FAM216A: variants seen among roughly 807,000 people sequenced by gnomAD.
The protein encoded by FAM216A is family with sequence similarity 216 member A.
Under a neutral mutation model 37.6 loss-of-function variants are expected in FAM216A, and 26 were observed. The observed-to-expected ratio is 0.69, with a 90% CI of 0.51 to 0.96. The LOEUF is 0.96. Among genes scored for constraint, FAM216A ranks in the 40% least tolerant of loss-of-function variants. The pLI, the probability that FAM216A is intolerant of heterozygous loss-of-function variation, is 0.00. For missense variants in FAM216A, 326 were observed against 339.3 expected (o/e 0.96, Z 0.31); for synonymous variants, 110 against 121.7 (o/e 0.90, Z 0.64).
chr12:110,469,514 C>A (rs1433093738), intron 1 of FAM216A, among the ~76,000 whole-genome samples: 1 of 151,278 alleles, frequency 6.6e-6, no homozygotes, highest in Non-Finnish European at 1.5e-5. Flanking sequence ...TCTTTTCTTT[C>A]TTGTTTTTTG....
At chr12:110,469,112 C>T (rs2062661955) in intron 1 of FAM216A, 94 bp downstream of exon 1, 2 of 1,297,180 alleles carry the variant, frequency 1.5e-6, no homozygotes, top group Admixed American at 7.5e-5. Flanking sequence ...GGGCTGCGGC[C>T]GACCTCTCGT....
rs73417402 is a variant in FAM216A, at chr12:110,473,031, A to G, written c.144-47A>G. On this transcript the variant is annotated intron_variant, in intron 1 of 6. Coordinates refer to ENST00000377673, the MANE Select transcript of FAM216A (RefSeq NM_013300.3). ...TGAAATATGTTGTTCAGTGCTTGTA[A>G]CATTGTAATTATTACATATTATTTA... The G allele has an allele frequency of 4.0e-4, 366 of 907,874 alleles. 1 individual carries two copies. The African/African-American group carries it at 5.3e-3, about 13-fold the overall frequency. The allele number at this position is 907,874 out of a possible 1,614,324, so 56.2% of individuals were successfully genotyped here.
upstream of FAM216A, chr12:110,468,753 C>T (rs1317850994): frequency 2.0e-6 from 3 of 1,481,518 alleles, no homozygotes; most frequent in Admixed American, 2.2e-5. Context: ...CGGATCTGCC[C>T]GCCCCGCTCT....
intron 6 of FAM216A, among the ~76,000 whole-genome samples, chr12:110,489,649 C>T (rs775606567): frequency 1.3e-5 from 2 of 151,254 alleles, no homozygotes; most frequent in Admixed American, 6.6e-5. Context: ...GTACAGTTAG[C>T]GGAAACTGTA....
At chr12:110,471,418 G>A (rs1327260147) in intron 1 of FAM216A, among the ~76,000 whole-genome samples, 1 of 152,116 alleles carries the variant, frequency 6.6e-6, no homozygotes, top group African/African-American at 2.4e-5. Flanking sequence ...GTTTATTGAG[G>A]CATAATTTAC....
rs999397819 is a variant in FAM216A at position 110,468,847 on chromosome 12, C to T, written c.-29C>T. ...AGCCGCCTCTCCGGAATACCAGCAG[C>T]CTGACGCACGCGTGCTGTCGGGGGA... On this transcript the variant is annotated 5_prime_UTR_variant, in exon 1 of 7. Transcript: ENST00000377673. 15 of 1,481,098 alleles carry T rather than the reference C, an allele frequency of 1.0e-5. No individual in the cohort carries two copies. The highest frequency in any genetic ancestry group is 1.3e-5 in the Non-Finnish European group (15 of 1,114,552). The allele number at this position is 1,481,098 out of a possible 1,614,324, so 91.7% of individuals were successfully genotyped here.
chr12:110,474,237 A>G (rs1308086687), intron 2 of FAM216A, among the ~76,000 whole-genome samples: 1 of 152,148 alleles, frequency 6.6e-6, no homozygotes, highest in Non-Finnish European at 1.5e-5. Context: ...ACACAAAACA[A>G]TATAATTATT....
intron 2 of FAM216A, among the ~76,000 whole-genome samples, chr12:110,482,304 C>T (rs981552200): frequency 9.9e-5 from 15 of 151,944 alleles, no homozygotes; most frequent in Admixed American, 5.2e-4. Flanking sequence ...GGCTGGTCTC[C>T]TGACCTCAAG....
intron 2 of FAM216A, among the ~76,000 whole-genome samples, chr12:110,480,623 A>C (rs553780779): frequency 4.4e-4 from 67 of 152,050 alleles, no homozygotes; most frequent in Non-Finnish European, 7.2e-4. Flanking sequence ...GGCCCATTTT[A>C]ATCATTTTTA....
chr12:110,473,157 A>T, intron 2 of FAM216A, 39 bp downstream of exon 2: 1 of 1,220,850 alleles, frequency 8.2e-7, no homozygotes, highest in South Asian at 1.4e-5. Flanking sequence ...CTTATAAGTA[A>T]CATGGTTCTG....
At chr12:110,470,355 C>T (rs1438765200) in intron 1 of FAM216A, among the ~76,000 whole-genome samples, 1 of 152,016 alleles carries the variant, frequency 6.6e-6, no homozygotes, top group Non-Finnish European at 1.5e-5. Context: ...GCATGGCCGT[C>T]CTTTTTGTCT....
chr12:110,471,215 A>G lies in FAM216A; in HGVS notation c.144-1863A>G, dbSNP rs530046908. ...GTTCAAGCGATTCTCCTGCCTCCTG[A>G]GTAGCTGGGACTACAGGCACGTGCC... is the stretch of plus-strand genomic sequence containing the variant. On this transcript the variant is annotated intron_variant, in intron 1 of 6. Transcript: ENST00000377673. Among the ~76,000 whole-genome samples the G allele has an allele frequency of 1.5e-3, 234 of 152,012 alleles. 1 individual carries two copies. Among genetic ancestry groups the G allele is most frequent in the Non-Finnish European group, 2.8e-3 (190 of 67,972 alleles).
At chr12:110,479,671 T>A (rs1215702995) in intron 2 of FAM216A, among the ~76,000 whole-genome samples, 1 of 151,868 alleles carries the variant, frequency 6.6e-6, no homozygotes, top group Non-Finnish European at 1.5e-5. Flanking sequence ...ACCCCGTCTC[T>A]ACTAAAAATA....
chr12:110,476,817 G>A (rs1262676650), intron 2 of FAM216A, among the ~76,000 whole-genome samples: 4 of 152,034 alleles, frequency 2.6e-5, no homozygotes, highest in Non-Finnish European at 5.9e-5. Context: ...GTGAGCCACC[G>A]CGCCCGGCCG....
rs774095714 is a variant in FAM216A, at chr12:110,490,139, A to T, written c.*2A>T. 2.1e-6 allele frequency: 3 copies of T among 1,418,228 alleles called. No homozygotes were observed. Among genetic ancestry groups the T allele is most frequent in the Non-Finnish European group, 3.0e-6 (3 of 1,001,256 alleles). The allele number at this position is 1,418,228 out of a possible 1,614,324, so 87.9% of individuals were successfully genotyped here. On this transcript the variant is annotated 3_prime_UTR_variant, in exon 7 of 7. Coordinates refer to ENST00000377673, the MANE Select transcript of FAM216A (RefSeq NM_013300.3). ...GGAGAACATCTGATGTTAACTTGAC[A>T]GTCTTGTCTCGTGTATTGAATTCGT...
chr12:110,486,101 C>T (rs961130296), intron 3 of FAM216A, among the ~76,000 whole-genome samples: 14 of 152,148 alleles, frequency 9.2e-5, no homozygotes, highest in African/African-American at 2.9e-4. Context: ...ATGGGTTCTC[C>T]GACTTCAAAG....
intron 2 of FAM216A, among the ~76,000 whole-genome samples, chr12:110,480,323 C>T (rs1429633724): frequency 6.6e-6 from 1 of 151,270 alleles, no homozygotes; most frequent in African/African-American, 2.4e-5. Context: ...CCTGCCTCAG[C>T]CTCCTGAGTA....
chr12:110,485,067 T>C lies in FAM216A; in HGVS notation c.185-11T>C. The C allele has an allele frequency of 6.3e-7, 1 of 1,598,274 alleles. No homozygotes were observed. ...TTGCCTCTGAAATTCACATGATGTC[T>C]TTGCCTACAGATAGAATCAAAGATG... On this transcript the variant is annotated splice_polypyrimidine_tract_variant and intron_variant, in intron 2 of 6. Transcript: ENST00000377673.
chr12:110,468,758 C>G, upstream of FAM216A: 1 of 1,479,436 alleles, frequency 6.8e-7, no homozygotes, highest in Non-Finnish European at 9.0e-7. Context: ...CTGCCCGCCC[C>G]GCTCTCCCGA....
Sources: gnomAD v4.1 joint callset for allele counts (sites outside exome capture counted in the v4.1 genomes callset) on GRCh38, gnomAD v4.1.1 for gene constraint, MANE v1.5 for transcripts, NCBI Gene and HGNC (gene_info 2026-07-23, HGNC 2026-07-21) for gene names.